The following TBL1XR1 variants were observed in gnomAD, a reference collection of about 807,000 sequenced individuals.
TBL1XR1 encodes F-box-like/WD repeat-containing protein TBL1XR1.
Under a neutral mutation model 66.9 loss-of-function variants are expected in TBL1XR1, and 5 were observed. That is an observed-to-expected ratio of 0.07 (90% CI 0.04 to 0.16). The LOEUF is 0.16. Ranked by LOEUF, TBL1XR1 falls within the 10% of genes least tolerant of loss-of-function variation. TBL1XR1 has a pLI of 1.00. For missense variants in TBL1XR1, 238 were observed against 623.2 expected (o/e 0.38, Z 6.58); for synonymous variants, 210 against 206.0 (o/e 1.02, Z -0.17).
intron 1 of TBL1XR1, among the ~76,000 whole-genome samples, chr3:177,170,777 G>T (rs1282130843): frequency 6.6e-6 from 1 of 151,918 alleles, no homozygotes; most frequent in Admixed American, 6.6e-5. Context: ...GCTAGTTTTT[G>T]TATTTTTTGT....
chr3:177,145,488 C>A (rs577439540), intron 1 of TBL1XR1, among the ~76,000 whole-genome samples: 1 of 151,994 alleles, frequency 6.6e-6, no homozygotes, highest in South Asian at 2.1e-4. Flanking sequence ...AGTTCGCAGA[C>A]CCTCTAGAAT....
chr3:177,100,728 T>C (rs1330843763), intron 1 of TBL1XR1, among the ~76,000 whole-genome samples: 2 of 151,910 alleles, frequency 1.3e-5, no homozygotes. Context: ...CTGGGCCAAA[T>C]AATCTACATT....
intron 1 of TBL1XR1, among the ~76,000 whole-genome samples, chr3:177,160,467 C>G: frequency 8.0e-6 from 1 of 125,286 alleles, no homozygotes. Context: ...GAGCGAGACT[C>G]TGTCTCAAAA....
intron 1 of TBL1XR1, among the ~76,000 whole-genome samples, chr3:177,138,444 T>C (rs540942695): frequency 3.3e-5 from 5 of 151,916 alleles, no homozygotes; most frequent in Non-Finnish European, 7.4e-5. Flanking sequence ...AAAGTAAAAA[T>C]TAGTTGGGGT....
chr3:177,063,058 C>T (rs930324902), intron 3 of TBL1XR1, among the ~76,000 whole-genome samples: 3 of 151,700 alleles, frequency 2.0e-5, no homozygotes, highest in Admixed American at 6.6e-5. Flanking sequence ...CGCTTGAACC[C>T]GCCGCCGAGA....
intron 1 of TBL1XR1, among the ~76,000 whole-genome samples, chr3:177,158,865 T>C (rs1236507410): frequency 6.6e-6 from 1 of 152,180 alleles, no homozygotes; most frequent in East Asian, 1.9e-4. Flanking sequence ...GATATCATTC[T>C]TCTATAAACA....
At chr3:177,158,177 C>CAAAAACA (rs1553859503) in intron 1 of TBL1XR1, among the ~76,000 whole-genome samples, 236 of 144,838 alleles carry the variant, frequency 1.6e-3, no homozygotes, top group African/African-American at 5.6e-3. Context: ...AAAACAAAAA[C>CAAAAACA]AAAAAAAACC....
chr3:177,075,274 T>C (rs910777378), intron 2 of TBL1XR1, among the ~76,000 whole-genome samples: 1 of 152,268 alleles, frequency 6.6e-6, no homozygotes, highest in Non-Finnish European at 1.5e-5. Context: ...GCTTTGTGTC[T>C]GAGTCTTTAC....
At chr3:177,151,318 T>G (rs371957097) in intron 1 of TBL1XR1, among the ~76,000 whole-genome samples, 1 of 152,204 alleles carries the variant, frequency 6.6e-6, no homozygotes, top group Non-Finnish European at 1.5e-5. Context: ...ACAGTTGCAT[T>G]TGATTTTCTT....
chr3:177,192,667 C>A (rs970794740), intron 1 of TBL1XR1, among the ~76,000 whole-genome samples: 1 of 152,096 alleles, frequency 6.6e-6, no homozygotes, highest in African/African-American at 2.4e-5. Flanking sequence ...CATTATGCCC[C>A]TACTAAAATA....
At chr3:177,191,941 G>C (rs1458907518) in intron 1 of TBL1XR1, among the ~76,000 whole-genome samples, 2 of 150,822 alleles carry the variant, frequency 1.3e-5, no homozygotes, top group Non-Finnish European at 3.0e-5. Context: ...AAAGATACAA[G>C]AAATTAGCCA....
At chr3:177,176,884 G>A (rs1213041786) in intron 1 of TBL1XR1, among the ~76,000 whole-genome samples, 1 of 152,162 alleles carries the variant, frequency 6.6e-6, no homozygotes, top group African/African-American at 2.4e-5. Context: ...CGAGGCTGAG[G>A]TGGGAGGATT....
intron 1 of TBL1XR1, among the ~76,000 whole-genome samples, chr3:177,163,407 G>C (rs1278283214): frequency 2.6e-5 from 4 of 152,008 alleles, no homozygotes; most frequent in Non-Finnish European, 1.5e-5. Flanking sequence ...TACTCAGGAG[G>C]CTGAGGCAGA....
intron 1 of TBL1XR1, among the ~76,000 whole-genome samples, chr3:177,191,292 A>G (rs1258632953): frequency 6.6e-6 from 1 of 152,218 alleles, no homozygotes; most frequent in East Asian, 1.9e-4. Flanking sequence ...CAGTAGTTAC[A>G]GAAGATAAAA....
At chr3:177,178,303 C>T (rs1215507446) in intron 1 of TBL1XR1, among the ~76,000 whole-genome samples, 2 of 152,128 alleles carry the variant, frequency 1.3e-5, no homozygotes, top group African/African-American at 4.8e-5. Flanking sequence ...AAGAAAATGA[C>T]ATTTACTGGG....
chr3:177,120,791 C>T (rs1019695756), intron 1 of TBL1XR1: 2 of 152,226 alleles, frequency 1.3e-5, no homozygotes, highest in African/African-American at 2.4e-5. Flanking sequence ...TCACTACCTT[C>T]GGACCAGCTC....
chr3:177,201,365 CTTGCCATTGCACTCCAGCCT>C (rs1737336669), upstream of TBL1XR1, among the ~76,000 whole-genome samples: 5 of 129,402 alleles, frequency 3.9e-5, 1 homozygote, highest in Admixed American at 3.6e-4. Flanking sequence ...GAGCCGAGAT[CTTGCCATTGCACTCCAGCCT>C]GGGCGGGTGA....
chr3:177,120,150 C>T (rs942965938), intron 1 of TBL1XR1, among the ~76,000 whole-genome samples: 6 of 152,160 alleles, frequency 3.9e-5, no homozygotes, highest in African/African-American at 1.4e-4. Context: ...ACATGCACTC[C>T]TCCCTGTGAT....
intron 1 of TBL1XR1, among the ~76,000 whole-genome samples, chr3:177,114,474 A>C (rs552013709): frequency 6.6e-6 from 1 of 151,978 alleles, no homozygotes; most frequent in South Asian, 2.1e-4. Flanking sequence ...GCTAATTTTT[A>C]ACTTTTTGTA....
Sources: allele counts gnomAD v4.1 joint callset (sites outside exome capture counted in the v4.1 genomes callset), GRCh38; gene constraint gnomAD v4.1.1; transcripts MANE v1.5; gene names NCBI Gene and HGNC (gene_info 2026-07-23, HGNC 2026-07-21).